Variants in SCARA3 observed in about 807,000 individuals in gnomAD.
SCARA3 encodes the protein cellular stress response gene protein.
A neutral mutation model predicts 47.0 loss-of-function variants in SCARA3; 39 were observed. The observed-to-expected ratio is 0.83, with a 90% CI of 0.64 to 1.08. SCARA3 has a LOEUF of 1.08. Among genes scored for constraint, SCARA3 ranks in the 50% least tolerant of loss-of-function variants. The pLI, the probability that SCARA3 is intolerant of heterozygous loss-of-function variation, is 0.00. For synonymous variants in SCARA3, 356 were observed against 334.1 expected, an observed-to-expected ratio of 1.07 and a Z score of -0.71; for missense variants, 724 against 792.3, an observed-to-expected ratio of 0.91 and a Z score of 1.04.
chr8:27,668,456 C>T (rs987906334), intron 5 of SCARA3, among the ~76,000 whole-genome samples: 2 of 147,970 alleles, frequency 1.4e-5, no homozygotes, highest in South Asian at 2.2e-4. Context: ...AGGAGAATGG[C>T]GTGAACCCGG....
In SCARA3 at chr8:27,634,011, C is replaced by G; in HGVS notation, c.-190C>G. The G allele has an allele frequency of 5.9e-6, 2 of 341,584 alleles. No homozygotes were observed. Among genetic ancestry groups the G allele is most frequent in the Admixed American group, 5.0e-5 (1 of 20,046 alleles). The allele number at this position is 341,584 out of a possible 1,614,324, so 21.2% of individuals were successfully genotyped here. A position where few individuals can be genotyped will look rare whatever the true frequency, so the allele number is the denominator to read the frequency against. On this transcript the variant is annotated 5_prime_UTR_variant, in exon 1 of 6. Transcript: ENST00000301904. ...GGGGCTTCCCCAGGCTGCGACCCCG[C>G]GGGACCCTCCACTCCTCCCGCCGCC...
chr8:27,700,956 G>A, the SCARA3 span, among the ~76,000 whole-genome samples: 1 of 152,120 alleles, frequency 6.6e-6, no homozygotes, highest in African/African-American at 2.4e-5. Context: ...AAATGAAAAT[G>A]TTTTTCTATA....
At chr8:27,678,902 T>A (rs577340073), downstream of SCARA3, among the ~76,000 whole-genome samples, 2 of 152,234 alleles carry the variant, frequency 1.3e-5, no homozygotes, top group East Asian at 3.9e-4. Flanking sequence ...CAAAAATCAA[T>A]GTAGGCCAGG....
the SCARA3 span, among the ~76,000 whole-genome samples, chr8:27,686,310 G>A: frequency 3.3e-5 from 5 of 151,922 alleles, no homozygotes; most frequent in South Asian, 2.1e-4. Context: ...GTGTGGTGGC[G>A]CACAGCTGTA....
At chr8:27,660,206 TGAGA>T (rs10579288) in intron 5 of SCARA3, among the ~76,000 whole-genome samples, 36,132 of 149,830 alleles carry the variant, frequency 0.24, 5,243 homozygotes, top group Middle Eastern at 0.38. Flanking sequence ...CAATAGTGTA[TGAGA>T]GAGAGAGAGA....
downstream of SCARA3, among the ~76,000 whole-genome samples, chr8:27,679,565 GGC>G (rs1010224216): frequency 1.3e-5 from 2 of 152,042 alleles, no homozygotes; most frequent in Non-Finnish European, 2.9e-5. Context: ...AGGTCAAGTA[GGC>G]TAAAAAAATC....
rs550326888 is a variant in SCARA3 at position 27,649,763 on chromosome 8, C to A, written c.69C>A (p.Asp23Glu). The change falls in exon 2 of 6, where the codon GAC becomes GAA. Residue 23 changes from aspartate (D) to glutamate (E), a missense_variant. Physicochemically the swap from Asp to Glu is conservative, Grantham distance 45. Coordinates refer to ENST00000301904, the MANE Select transcript of SCARA3 (RefSeq NM_016240.3). ...TTACAGAAGAGGACCTGGCGGGTGA[C>A]GACGAGGACATGCCGACCTTCCCAT... The part of the protein sequence containing the change: ...LCVTEEDLAG[D>E]DEDMPTFPCT... 6.8e-6 allele frequency: 11 copies of A among 1,614,076 alleles called. No individual in the cohort carries two copies. The Admixed American group carries it at 1.7e-4, about 24-fold the overall frequency.
chr8:27,675,180 C>G (rs1802248842), downstream of SCARA3, among the ~76,000 whole-genome samples: 1 of 152,218 alleles, frequency 6.6e-6, no homozygotes, highest in East Asian at 1.9e-4. Flanking sequence ...GGGGGCTGGG[C>G]AAGCCTTCTG....
chr8:27,659,811 C>G (rs1054144867), intron 5 of SCARA3, among the ~76,000 whole-genome samples: 1 of 122,754 alleles, frequency 8.1e-6, no homozygotes, highest in Admixed American at 1.1e-4. Flanking sequence ...GATTGCACCA[C>G]TGCACTGCAG....
At chr8:27,732,411 G>A in the SCARA3 span, among the ~76,000 whole-genome samples, 66,052 of 152,034 alleles carry the variant, frequency 0.43, 14,619 homozygotes, top group East Asian at 0.63. Flanking sequence ...TGGCTATGGT[G>A]TAGACCTACA....
In SCARA3 at chr8:27,658,780, C is replaced by T; in HGVS notation, c.610C>T (p.Leu204Phe). 2 of 1,614,114 alleles carry T rather than the reference C, an allele frequency of 1.2e-6. No homozygotes were observed. The highest frequency in any genetic ancestry group is 1.7e-6 in the Non-Finnish European group (2 of 1,179,992). ...GWQATTAGLDLSLKDLTQECY... is the reference protein window; with the variant it reads ...GWQATTAGLDFSLKDLTQECY... ...GCAGGCCACCACAGCTGGCCTGGAC[C>T]TCTCTCTGAAGGACCTCACCCAGGA... The change falls in exon 5 of 6, where the codon CTC (leucine) becomes TTC (phenylalanine). Residue 204 changes from leucine to phenylalanine, a missense_variant. Coordinates refer to ENST00000301904, the MANE Select transcript of SCARA3 (RefSeq NM_016240.3).
At chr8:27,691,064 A>G in the SCARA3 span, among the ~76,000 whole-genome samples, 5 of 152,226 alleles carry the variant, frequency 3.3e-5, no homozygotes, top group Non-Finnish European at 7.3e-5. Context: ...CCTTTGGAAA[A>G]GGGAACTGAA....
Position 27,671,860 on chromosome 8 carries a change from A to G in SCARA3, c.*509A>G, listed in dbSNP as rs956762303. ...ATTTTTCTGCTGGCCAGGTGGGCCA[A>G]CTGGGTTTCCCTGGCTGGGCAGGAG... is the stretch of plus-strand genomic sequence containing the variant. On this transcript the variant is annotated 3_prime_UTR_variant, in exon 6 of 6. Transcript: ENST00000301904. The G allele has an allele frequency of 2.0e-6, 2 of 985,524 alleles. No individual in the cohort carries two copies. The highest frequency in any genetic ancestry group is 2.4e-6 in the Non-Finnish European group (2 of 829,982). The allele number at this position is 985,524 out of a possible 1,614,324, so 61.0% of individuals were successfully genotyped here. A position where few individuals can be genotyped will look rare whatever the true frequency, so the allele number is the denominator to read the frequency against.
chr8:27,715,589 T>TGATAGATAGATA, the SCARA3 span, among the ~76,000 whole-genome samples: 9 of 45,722 alleles, frequency 2.0e-4, no homozygotes, highest in Admixed American at 9.5e-4. The surrounding 1 kb of genome is among the most constrained non-coding windows in gnomAD (Gnocchi z 4.2). Context: ...CCTAGATAGA[T>TGATAGATAGATA]GATAGATAGA....
the SCARA3 span, among the ~76,000 whole-genome samples, chr8:27,690,351 A>G: frequency 6.6e-6 from 1 of 152,316 alleles, no homozygotes; most frequent in Non-Finnish European, 1.5e-5. Flanking sequence ...TTGACTCTGC[A>G]TCTTCACGTC....
the SCARA3 span, among the ~76,000 whole-genome samples, chr8:27,687,941 G>A: frequency 2.0e-5 from 3 of 152,012 alleles, no homozygotes; most frequent in East Asian, 1.9e-4. Context: ...GCTTGAACCC[G>A]GGAGGCGGAG....
downstream of SCARA3, among the ~76,000 whole-genome samples, chr8:27,681,054 C>T (rs748663099): frequency 6.6e-6 from 1 of 152,256 alleles, no homozygotes; most frequent in South Asian, 2.1e-4. Context: ...AGGTGAAAGA[C>T]CAAATGCTTT....
the SCARA3 span, among the ~76,000 whole-genome samples, chr8:27,704,237 G>A: frequency 6.6e-6 from 1 of 152,130 alleles, no homozygotes; most frequent in Non-Finnish European, 1.5e-5. Context: ...CTTGAGCCCA[G>A]GAGTTTGAGA....
chr8:27,662,517 A>C (rs1242639743), intron 5 of SCARA3, among the ~76,000 whole-genome samples: 1 of 152,246 alleles, frequency 6.6e-6, no homozygotes, highest in Non-Finnish European at 1.5e-5. Flanking sequence ...TGGATAAGGC[A>C]TTCTGTGAGT....
Sources: allele counts gnomAD v4.1 joint callset (sites outside exome capture counted in the v4.1 genomes callset), GRCh38; gene constraint gnomAD v4.1.1; non-coding constraint Gnocchi (gnomAD v3.1); transcripts MANE v1.5; gene names NCBI Gene and HGNC (gene_info 2026-07-23, HGNC 2026-07-21).